Variants in PRAP1 observed in about 807,000 individuals in gnomAD.
PRAP1 encodes proline rich acidic protein 1.
Under a neutral mutation model 14.6 loss-of-function variants are expected in PRAP1, and 12 were observed. The ratio of observed to expected loss-of-function variants is 0.82; its 90% CI spans 0.53 to 1.33. The LOEUF (loss-of-function observed/expected upper bound fraction) is 1.33. Among genes scored for constraint, PRAP1 ranks in the 40% most tolerant of loss-of-function variants. The pLI is 0.00. For synonymous variants in PRAP1, 81 were observed against 80.3 expected, an observed-to-expected ratio of 1.01 and a Z score of -0.04; for missense variants, 160 against 193.7, an observed-to-expected ratio of 0.83 and a Z score of 1.03.
At position 133,350,227 on chromosome 10, in the gene PRAP1, G is replaced by T. The variant is rs2133403504; in HGVS notation, c.75+66G>T. The T allele has an allele frequency of 2.8e-6, 4 of 1,452,816 alleles. No homozygotes were observed. The South Asian group carries it at 3.6e-5, about 13-fold the overall frequency. 90.0% of individuals were successfully genotyped at this position (1,452,816 alleles called of 1,614,324 possible). On this transcript the variant is annotated intron_variant, in intron 2 of 4. Coordinates refer to ENST00000433452, the MANE Select transcript of PRAP1 (RefSeq NM_145202.5). ...GTCACCTTCTGCCCCTACAGCAGGG[G>T]ATGTGGACAAAGGGCCCCTCTTCTG... is the stretch of plus-strand genomic sequence containing the variant.
At position 133,351,761 on chromosome 10, in the gene PRAP1, C is replaced by CCAGTGT. The variant is rs1481168642; in HGVS notation, c.129-245_129-244insAGTGTC. On this transcript the variant is annotated intron_variant, in intron 3 of 4. Coordinates refer to ENST00000433452, the MANE Select transcript of PRAP1 (RefSeq NM_145202.5). This position sits in a 1 kb window ranked among gnomAD's most constrained non-coding sequence, Gnocchi z 4.3. ...GATCCTGAGGTTCCCCACATCCTTG[C>CCAGTGT]CCTTGGGACACTGCTCAACCAAGGC... Among the ~76,000 whole-genome samples the CCAGTGT allele has an allele frequency of 6.6e-6, 1 of 152,188 alleles. No individual in the cohort carries two copies. The highest frequency in any genetic ancestry group is 1.5e-5 in the Non-Finnish European group (1 of 68,038).
In PRAP1 at chr10:133,347,440, C is replaced by T; in HGVS notation, c.8+15C>T. On this transcript the variant is annotated intron_variant, in intron 1 of 4. Transcript: ENST00000433452. This position sits in a 1 kb window ranked among gnomAD's most constrained non-coding sequence, Gnocchi z 5.0. Reference sequence around the variant, plus strand: ...GACATGAGGAGGTAATGCCACCATCCCTGAGCCCCAATCCCCACCCCACCC... The same window carrying T: ...GACATGAGGAGGTAATGCCACCATCTCTGAGCCCCAATCCCCACCCCACCC... 6.2e-7 allele frequency: 1 copy of T among 1,610,298 alleles called. No homozygotes were observed. Among genetic ancestry groups the T allele is most frequent in the Non-Finnish European group, 8.5e-7 (1 of 1,177,930 alleles).
chr10:133,351,572 A>C lies in PRAP1; in HGVS notation c.128+139A>C, dbSNP rs1848679363. Reference sequence around the variant, plus strand: ...CCAGCAGCTTTTGGAAGGAGGGGGCACTCCAGCCTCATGGGCATCTGTCAA... The same window carrying C: ...CCAGCAGCTTTTGGAAGGAGGGGGCCCTCCAGCCTCATGGGCATCTGTCAA... On this transcript the variant is annotated intron_variant, in intron 3 of 4. Coordinates refer to ENST00000433452, the MANE Select transcript of PRAP1 (RefSeq NM_145202.5). The surrounding 1 kb of genome is among the most constrained non-coding windows in gnomAD (Gnocchi z 4.3). 1.5e-6 allele frequency: 1 copy of C among 682,896 alleles called. No individual in the cohort carries two copies. Among genetic ancestry groups the C allele is most frequent in the Non-Finnish European group, 2.5e-6 (1 of 394,964 alleles). 42.3% of individuals were successfully genotyped at this position (682,896 alleles called of 1,614,324 possible). A position where few individuals can be genotyped will look rare whatever the true frequency, so the allele number is the denominator to read the frequency against.
Position 133,347,678 on chromosome 10 carries a change from G to C in PRAP1, c.8+253G>C, listed in dbSNP as rs951472363. Among the ~76,000 whole-genome samples, 2 of 147,898 alleles carry C rather than the reference G, an allele frequency of 1.4e-5. No individual in the cohort carries two copies. The highest frequency in any genetic ancestry group is 4.9e-5 in the African/African-American group (2 of 40,522). ...AGAATCACCCAGGGACCCCCACCCG[G>C]AACAAGGAAAGGGGAGGTGCCAGGC... On this transcript the variant is annotated intron_variant, in intron 1 of 4. Coordinates refer to ENST00000433452, the MANE Select transcript of PRAP1 (RefSeq NM_145202.5). This position sits in a 1 kb window ranked among gnomAD's most constrained non-coding sequence, Gnocchi z 5.0.
intron 2 of PRAP1, 79 bp downstream of exon 2, chr10:133,350,240 G>C (rs754742725): frequency 4.1e-5 from 55 of 1,334,604 alleles, no homozygotes; most frequent in Non-Finnish European, 5.2e-5. Context: ...GTGGACAAAG[G>C]GCCCCTCTTC....
At chr10:133,349,920 T>C (rs1848650871) in intron 1 of PRAP1, among the ~76,000 whole-genome samples, 175 bp from the exon 2 acceptor site, 1 of 152,156 alleles carries the variant, frequency 6.6e-6, no homozygotes, top group Non-Finnish European at 1.5e-5. Flanking sequence ...GGCCTGGGGC[T>C]TCTCCCTGTT....
rs1420536483 is a variant in PRAP1, at chr10:133,350,124, T to G, written c.38T>G (p.Val13Gly). The change falls in exon 2 of 5, where the codon GTG (valine) becomes GGG (glycine). Residue 13 changes from valine to glycine, a missense_variant. Physicochemically the swap from Val to Gly is moderately radical, Grantham distance 109. Transcript: ENST00000433452. ...RLLLVTSLVV[V>G]LLWEAGAVPA... The stretch of plus-strand genomic sequence containing the variant: ...CTCCTGGTCACCAGCCTGGTGGTTG[T>G]GCTGCTGTGGGAGGCAGGTGCAGTC... 1.2e-6 allele frequency: 2 copies of G among 1,613,522 alleles called. No individual in the cohort carries two copies.
Position 133,351,866 on chromosome 10 carries a change from T to C in PRAP1, c.129-141T>C. Reference sequence around the variant, plus strand: ...GGGAGCACTGGGGGCCACTCATCACTGGCTCTTGAGAGAGAGGCTTGTCCT... The same window carrying C: ...GGGAGCACTGGGGGCCACTCATCACCGGCTCTTGAGAGAGAGGCTTGTCCT... On this transcript the variant is annotated intron_variant, in intron 3 of 4. Transcript: ENST00000433452. This position sits in a 1 kb window ranked among gnomAD's most constrained non-coding sequence, Gnocchi z 4.3. 1 of 1,151,858 alleles carries C rather than the reference T, an allele frequency of 8.7e-7. No homozygotes were observed. Among genetic ancestry groups the C allele is most frequent in the Non-Finnish European group, 1.2e-6 (1 of 821,376 alleles). 71.4% of individuals were successfully genotyped at this position (1,151,858 alleles called of 1,614,324 possible).
rs867272540 is a variant in PRAP1, at chr10:133,347,950, C to T, written c.8+525C>T. 5.9e-5 allele frequency among the ~76,000 whole-genome samples: 9 copies of T among 152,114 alleles called. No individual in the cohort carries two copies. Among genetic ancestry groups the T allele is most frequent in the Non-Finnish European group, 1.5e-5 (1 of 68,000 alleles). Reference sequence around the variant, plus strand: ...CCGCTCCTGTGGAGGTGCCCTCCTCCTCTTCCCCCTCCTCTAAGCCAGGGC... The same window carrying T: ...CCGCTCCTGTGGAGGTGCCCTCCTCTTCTTCCCCCTCCTCTAAGCCAGGGC... On this transcript the variant is annotated intron_variant, in intron 1 of 4. Transcript: ENST00000433452. This position sits in a 1 kb window ranked among gnomAD's most constrained non-coding sequence, Gnocchi z 5.0.
intron 2 of PRAP1, chr10:133,350,636 A>G (rs1314160672): frequency 1.2e-5 from 2 of 161,622 alleles, no homozygotes; most frequent in Admixed American, 6.0e-5. Context: ...GCTCAGCTGC[A>G]CTGTCTGTGC....
At chr10:133,350,014 C>T (rs1848652632) in intron 1 of PRAP1, 81 bp from the exon 2 acceptor site, 1 of 1,256,746 alleles carries the variant, frequency 8.0e-7, no homozygotes, top group Non-Finnish European at 1.1e-6. Context: ...CCAGGCCTCC[C>T]AGCTGCCCAT....
chr10:133,350,275 A>T, intron 2 of PRAP1, 114 bp downstream of exon 2: 1 of 869,952 alleles, frequency 1.1e-6, no homozygotes, highest in Non-Finnish European at 1.8e-6. Flanking sequence ...AAGCTGGCTT[A>T]GGGGAGAGAG....
At position 133,351,873 on chromosome 10, in the gene PRAP1, T is replaced by G; in HGVS notation, c.129-134T>G. On this transcript the variant is annotated intron_variant, in intron 3 of 4. Coordinates refer to ENST00000433452, the MANE Select transcript of PRAP1 (RefSeq NM_145202.5). The surrounding 1 kb of genome is among the most constrained non-coding windows in gnomAD (Gnocchi z 4.3). ...CTGGGGGCCACTCATCACTGGCTCT[T>G]GAGAGAGAGGCTTGTCCTGGGGCTG... is the stretch of plus-strand genomic sequence containing the variant. 1.7e-5 allele frequency: 21 copies of G among 1,217,324 alleles called. No individual in the cohort carries two copies. The highest frequency in any genetic ancestry group is 4.7e-5 in the East Asian group (2 of 42,262). The allele number at this position is 1,217,324 out of a possible 1,614,324, so 75.4% of individuals were successfully genotyped here. A position where few individuals can be genotyped will look rare whatever the true frequency, so the allele number is the denominator to read the frequency against.
At chr10:133,349,683 G>T (rs565588545) in intron 1 of PRAP1, among the ~76,000 whole-genome samples, 3 of 152,242 alleles carry the variant, frequency 2.0e-5, no homozygotes, top group Admixed American at 6.5e-5. Flanking sequence ...CTCTGTGGGC[G>T]TGGGGCTGTG....
chr10:133,350,224 G>A, intron 2 of PRAP1, 63 bp downstream of exon 2: 6 of 1,474,248 alleles, frequency 4.1e-6, no homozygotes, highest in Non-Finnish European at 5.6e-6. Context: ...CCCTACAGCA[G>A]GGGATGTGGA....
chr10:133,349,860 T>A (rs969193706), intron 1 of PRAP1, among the ~76,000 whole-genome samples: 1 of 152,098 alleles, frequency 6.6e-6, no homozygotes, highest in Admixed American at 6.5e-5. Flanking sequence ...AGGAGCAGAG[T>A]CTGGGGCTGG....
chr10:133,348,549 G>A lies in PRAP1; in HGVS notation c.8+1124G>A, dbSNP rs55865595. Reference sequence around the variant, plus strand: ...TTGAGACAGAGTGTCTCGCTCTGTCGCCCAGGCTGGAGGGACTGCAGTGGC... The same window carrying A: ...TTGAGACAGAGTGTCTCGCTCTGTCACCCAGGCTGGAGGGACTGCAGTGGC... On this transcript the variant is annotated intron_variant, in intron 1 of 4. Coordinates refer to ENST00000433452, the MANE Select transcript of PRAP1 (RefSeq NM_145202.5). Among the ~76,000 whole-genome samples, 1,056 of 150,884 alleles carry A rather than the reference G, an allele frequency of 7.0e-3. 20 individuals carry two copies. The highest frequency in any genetic ancestry group is 0.024 in the African/African-American group (993 of 41,012).
At chr10:133,350,330 AGGGGGCAGGCTTCCCTTCCCT>A (rs1848657435) in intron 2 of PRAP1, among the ~76,000 whole-genome samples, 169 bp downstream of exon 2, 1 of 152,152 alleles carries the variant, frequency 6.6e-6, no homozygotes, top group African/African-American at 2.4e-5. Context: ...AGGCATGAGG[AGGGGGCAGGCTTCCCTTCCCT>A]GGGGTCAGAT....
chr10:133,352,649 C>T lies in PRAP1; in HGVS notation c.*209C>T. ...GACCAGCCTGGGCAACATGGTGAAA[C>T]CCCGTCTCTACTAAAAATACAAAAA... is the stretch of plus-strand genomic sequence containing the variant. On this transcript the variant is annotated 3_prime_UTR_variant, in exon 5 of 5. Transcript: ENST00000433452. The T allele has an allele frequency of 1.9e-6, 1 of 521,724 alleles. No homozygotes were observed. Among genetic ancestry groups the T allele is most frequent in the Admixed American group, 3.4e-5 (1 of 29,538 alleles). 32.3% of individuals were successfully genotyped at this position (521,724 alleles called of 1,614,324 possible).
Sources: allele counts gnomAD v4.1 joint callset (sites outside exome capture counted in the v4.1 genomes callset), GRCh38; gene constraint gnomAD v4.1.1; non-coding constraint Gnocchi (gnomAD v3.1); transcripts MANE v1.5; gene names NCBI Gene and HGNC (gene_info 2026-07-23, HGNC 2026-07-21).